Variants in HERC1 observed in about 807,000 individuals in gnomAD.
HERC1 encodes the protein probable E3 ubiquitin-protein ligase HERC1.
A neutral mutation model predicts 554.3 loss-of-function variants in HERC1; 160 were observed. That is an observed-to-expected ratio of 0.29 (90% CI 0.25 to 0.33). HERC1 has a LOEUF of 0.33. Ranked by LOEUF, HERC1 falls within the 10% of genes least tolerant of loss-of-function variation. The pLI, the probability that HERC1 is intolerant of heterozygous loss-of-function variation, is 1.00. For missense variants in HERC1, 4,919 were observed against 5,918.5 expected (o/e 0.83, Z 5.54); for synonymous variants, 2,175 against 2,131.7 (o/e 1.02, Z -0.56).
At chr15:63,617,245 G>A (rs2067860838) in intron 74 of HERC1, among the ~76,000 whole-genome samples, 1 of 152,154 alleles carries the variant, frequency 6.6e-6, no homozygotes, top group Non-Finnish European at 1.5e-5. Context: ...CCACCTATGA[G>A]TGAGAACACG....
intron 26 of HERC1, among the ~76,000 whole-genome samples, chr15:63,697,727 T>C (rs1236184959): frequency 6.6e-6 from 1 of 152,176 alleles, no homozygotes; most frequent in Admixed American, 6.5e-5. Flanking sequence ...AGTGCTGGGA[T>C]TACAGGAGTG....
intron 1 of HERC1, among the ~76,000 whole-genome samples, chr15:63,792,054 T>A (rs952815117): frequency 6.6e-6 from 1 of 152,202 alleles, no homozygotes; most frequent in African/African-American, 2.4e-5. Context: ...ATAAAGTACA[T>A]AGTAGGTTCA....
intron 1 of HERC1, among the ~76,000 whole-genome samples, chr15:63,808,931 A>G (rs956614909): frequency 6.6e-6 from 1 of 152,242 alleles, no homozygotes; most frequent in Non-Finnish European, 1.5e-5. Context: ...TAGTAAATTT[A>G]TCCTCACAGA....
chr15:63,680,684 C>T lies in HERC1; in HGVS notation c.6318G>A (p.Ser2106=), dbSNP rs887613295. ...PVHDFNHRTT[S]DMWLYRAYSG... ...TGTAGGCCCTATAGAGCCACATATCCGAGGTAGTGCGGTGATTAAAGTCAT... is the reference window on the plus strand; with the variant it reads ...TGTAGGCCCTATAGAGCCACATATCTGAGGTAGTGCGGTGATTAAAGTCAT... The change falls in exon 35 of 78, where the codon TCG becomes TCA. Residue 2106 remains serine, a synonymous_variant. Transcript: ENST00000443617. This position sits in a 1 kb window ranked among gnomAD's most constrained non-coding sequence, Gnocchi z 5.8. 4 of 1,613,592 alleles carry T rather than the reference C, an allele frequency of 2.5e-6. No individual in the cohort carries two copies. Among genetic ancestry groups the T allele is most frequent in the Non-Finnish European group, 3.4e-6 (4 of 1,179,740 alleles).
rs71131178 is a variant in HERC1 at position 63,789,078 on chromosome 15, GTTTTTTT to G, written c.-26-13436_-26-13430del. Among the ~76,000 whole-genome samples the G allele has an allele frequency of 8.4e-5, 7 of 83,602 alleles. 1 individual carries two copies. The highest frequency in any genetic ancestry group is 3.5e-4 in the African/African-American group (7 of 20,022). 54.8% of individuals were successfully genotyped at this position (83,602 alleles called of 152,430 possible). Reference sequence around the variant, plus strand: ...TCTACTAATAAAGCAGGAATAAAAGGTTTTTTTTTTTTTTTTTTTTTTTTTTTTTTGA... The same window carrying G: ...TCTACTAATAAAGCAGGAATAAAAGGTTTTTTTTTTTTTTTTTTTTTTTGA... On this transcript the variant is annotated intron_variant, in intron 1 of 77. Coordinates refer to ENST00000443617, the MANE Select transcript of HERC1 (RefSeq NM_003922.4).
chr15:63,731,438 C>T (rs2074287218), intron 14 of HERC1, among the ~76,000 whole-genome samples: 1 of 152,154 alleles, frequency 6.6e-6, no homozygotes, highest in South Asian at 2.1e-4. Context: ...TATAAATCTG[C>T]CTTAGCCCTA....
intron 1 of HERC1, among the ~76,000 whole-genome samples, chr15:63,823,521 C>G (rs547363235): frequency 2.4e-4 from 36 of 152,268 alleles, no homozygotes; most frequent in African/African-American, 8.4e-4. Context: ...GGGGAAAGAA[C>G]AGATCTAACT....
chr15:63,715,522 C>T (rs1273745888), intron 22 of HERC1, among the ~76,000 whole-genome samples: 1 of 152,090 alleles, frequency 6.6e-6, no homozygotes, highest in Non-Finnish European at 1.5e-5. Flanking sequence ...TTGTTTCAAG[C>T]CCCCTCAAAA....
Position 63,658,527 on chromosome 15 carries a change from C to T in HERC1, c.9599+17G>A. ...TAGAAGTTAACTTAGCATCATGTGA[C>T]ATAAAATAACACTTACCTGACTGAG... On this transcript the variant is annotated intron_variant, in intron 48 of 77. Coordinates refer to ENST00000443617, the MANE Select transcript of HERC1 (RefSeq NM_003922.4). 1.9e-6 allele frequency: 3 copies of T among 1,593,724 alleles called. No homozygotes were observed. The highest frequency in any genetic ancestry group is 2.6e-6 in the Non-Finnish European group (3 of 1,165,950).
intron 74 of HERC1, among the ~76,000 whole-genome samples, chr15:63,622,209 G>A (rs1433912724): frequency 2.0e-5 from 3 of 152,116 alleles, no homozygotes; most frequent in Non-Finnish European, 4.4e-5. Flanking sequence ...GGGAGGCCAT[G>A]TGGGCCTTCA....
rs548556435 is a variant in HERC1, at chr15:63,737,400, GAT to G, written c.2521-2553_2521-2552del. 1.5e-3 allele frequency among the ~76,000 whole-genome samples: 113 copies of G among 74,410 alleles called. 1 individual carries two copies. Among genetic ancestry groups the G allele is most frequent in the Admixed American group, 3.2e-3 (24 of 7,490 alleles). 48.8% of individuals were successfully genotyped at this position (74,410 alleles called of 152,430 possible). On this transcript the variant is annotated intron_variant, in intron 12 of 77. Transcript: ENST00000443617. ...TATATATATATATATCGTTTTTCCA[GAT>G]ATATATATATATATCTTTTTTCCAG...
At chr15:63,654,609 T>C (rs1213075728) in intron 50 of HERC1, among the ~76,000 whole-genome samples, 1 of 152,048 alleles carries the variant, frequency 6.6e-6, no homozygotes, top group African/African-American at 2.4e-5. Flanking sequence ...TCCCAGTGCT[T>C]TGGGAGGCCA....
chr15:63,633,138 A>G (rs1267674013), intron 67 of HERC1, among the ~76,000 whole-genome samples: 1 of 152,222 alleles, frequency 6.6e-6, no homozygotes, highest in Non-Finnish European at 1.5e-5. Flanking sequence ...TTAGTTTAAC[A>G]TTTTAGCTTT....
chr15:63,722,864 C>T (rs1488400675), intron 19 of HERC1, among the ~76,000 whole-genome samples: 1 of 152,112 alleles, frequency 6.6e-6, no homozygotes, highest in African/African-American at 2.4e-5. Flanking sequence ...TGGTTTCAAG[C>T]AATCTACTGG....
chr15:63,727,686 C>G lies in HERC1; in HGVS notation c.3307G>C (p.Asp1103His), dbSNP rs768771380. 3.7e-6 allele frequency: 6 copies of G among 1,613,224 alleles called. No individual in the cohort carries two copies. In the African/African-American group the frequency reaches 6.7e-5, roughly 18 times the overall value. ...DCLNRLLPAA[D>H]LLEDQELQWP... ...TGTAACTCCTGGTCTTCTAAAAGAT[C>G]AGCAGCTGGCAGGAGTCTATTAAGG... The change falls in exon 17 of 78, where the codon GAT (aspartate) becomes CAT (histidine). Residue 1103 changes from aspartate to histidine, a missense_variant. Asp to His is a moderately conservative substitution (Grantham distance 81). This residue lies in a region of HERC1 where 1,121 missense variants were observed against 1,244.0 expected (regional missense o/e 0.90). Coordinates refer to ENST00000443617, the MANE Select transcript of HERC1 (RefSeq NM_003922.4). This position sits in a 1 kb window ranked among gnomAD's most constrained non-coding sequence, Gnocchi z 4.3.
At chr15:63,638,274 T>C in intron 63 of HERC1, 137 bp downstream of exon 63, 1 of 896,324 alleles carries the variant, frequency 1.1e-6, no homozygotes, top group Admixed American at 2.7e-5. Context: ...ATTTGAAAGC[T>C]ATATATCATG....
intron 59 of HERC1, 73 bp downstream of exon 59, chr15:63,642,884 G>T (rs1387686063): frequency 5.9e-6 from 5 of 842,674 alleles, no homozygotes; most frequent in South Asian, 1.4e-5. Context: ...CCATAAAGTG[G>T]GGTGGTTAGA....
intron 24 of HERC1, among the ~76,000 whole-genome samples, chr15:63,710,190 C>T (rs748815197): frequency 6.6e-6 from 1 of 152,154 alleles, no homozygotes; most frequent in Non-Finnish European, 1.5e-5. Context: ...TTTGGACTTG[C>T]GTGGACTAGC....
Position 63,775,559 on chromosome 15 carries a change from G to A in HERC1, c.65C>T (p.Thr22Ile). The change falls in exon 2 of 78, where the codon ACA becomes ATA. Residue 22 changes from threonine to isoleucine, a missense_variant. By Grantham distance (89) the Thr-to-Ile change is moderately conservative. This residue lies in a region of HERC1 where 110 missense variants were observed against 99.3 expected (regional missense o/e 1.11). Coordinates refer to ENST00000443617, the MANE Select transcript of HERC1 (RefSeq NM_003922.4). The surrounding 1 kb of genome is among the most constrained non-coding windows in gnomAD (Gnocchi z 4.0). ...TGTAGCAATAGATTCACTGTCCTCT[G>A]TAATCCAGGAGCTGTTCAAGTGTTC... ...WLEHLNSSWI[T>I]EDSESIATRE... The A allele has an allele frequency of 1.2e-6, 2 of 1,613,340 alleles. No individual in the cohort carries two copies. Among genetic ancestry groups the A allele is most frequent in the Non-Finnish European group, 1.7e-6 (2 of 1,179,580 alleles).
Sources: allele counts gnomAD v4.1 joint callset (sites outside exome capture counted in the v4.1 genomes callset), GRCh38; gene constraint gnomAD v4.1.1; regional missense constraint gnomAD v4.1.1; non-coding constraint Gnocchi (gnomAD v3.1); transcripts MANE v1.5; gene names NCBI Gene and HGNC (gene_info 2026-07-23, HGNC 2026-07-21).